RIT2: variants seen among roughly 807,000 people sequenced by gnomAD.
The protein encoded by RIT2 is Ras like without CAAX 2, also known as GTP-binding protein Rit2.
RIT2 carries 24 observed loss-of-function variants against 23.7 expected under a neutral mutation model. The observed-to-expected ratio is 1.01, with a 90% confidence interval of 0.73 to 1.43. The LOEUF is 1.43. RIT2 is among the 40% of genes most tolerant of loss of function. RIT2 has a pLI of 0.00. For missense variants in RIT2, 236 were observed against 266.9 expected, an observed-to-expected ratio of 0.88 and a Z score of 0.81; for synonymous variants, 107 against 91.1, an observed-to-expected ratio of 1.17 and a Z score of -0.99.
chr18:42,882,147 G>A (rs1297774844), intron 4 of RIT2, among the ~76,000 whole-genome samples: 1 of 152,132 alleles, frequency 6.6e-6, no homozygotes, highest in Non-Finnish European at 1.5e-5. Flanking sequence ...TTATAGCTGG[G>A]TACTAAGATA....
intron 1 of RIT2, among the ~76,000 whole-genome samples, chr18:43,035,474 A>G (rs1776213834): frequency 6.6e-6 from 1 of 152,154 alleles, no homozygotes; most frequent in African/African-American, 2.4e-5. Context: ...GACTGAAGTT[A>G]GTTCCTGAAC....
chr18:42,917,439 T>C (rs1908939248), intron 4 of RIT2, among the ~76,000 whole-genome samples: 1 of 152,098 alleles, frequency 6.6e-6, no homozygotes, highest in African/African-American at 2.4e-5. Context: ...ACTGTAATCT[T>C]GTCACTTGCC....
intron 3 of RIT2, among the ~76,000 whole-genome samples, chr18:42,935,715 C>T (rs551669560): frequency 6.6e-6 from 1 of 151,982 alleles, no homozygotes; most frequent in African/African-American, 2.4e-5. Context: ...GAACAAAGTG[C>T]GCAAAGTAAC....
intron 4 of RIT2, among the ~76,000 whole-genome samples, chr18:42,811,812 A>G (rs1052977949): frequency 1.3e-5 from 2 of 152,116 alleles, no homozygotes; most frequent in African/African-American, 2.4e-5. Context: ...TCAAAAGAAC[A>G]TATATAAAAT....
intron 1 of RIT2, among the ~76,000 whole-genome samples, chr18:43,055,258 T>G (rs1912473486): frequency 6.6e-6 from 1 of 152,140 alleles, no homozygotes; most frequent in African/African-American, 2.4e-5. Context: ...AAAAGCTGTG[T>G]AAGCAGCATA....
At chr18:43,075,993 G>A (rs1032333006) in intron 1 of RIT2, among the ~76,000 whole-genome samples, 3 of 152,112 alleles carry the variant, frequency 2.0e-5, no homozygotes, top group Non-Finnish European at 4.4e-5. Context: ...AACATAGGGA[G>A]CCATTTCAAT....
chr18:42,783,659 C>T (rs908217325), intron 4 of RIT2, among the ~76,000 whole-genome samples: 22 of 151,970 alleles, frequency 1.4e-4, no homozygotes, highest in South Asian at 2.1e-4. Context: ...TTATATTAAG[C>T]GCTACTTAAT....
intron 4 of RIT2, among the ~76,000 whole-genome samples, chr18:42,876,286 C>A (rs2144071133): frequency 6.6e-6 from 1 of 151,772 alleles, no homozygotes; most frequent in East Asian, 1.9e-4. Context: ...GATATTTTTA[C>A]CACATATTCA....
chr18:43,108,896 C>T (rs984416198), intron 1 of RIT2, among the ~76,000 whole-genome samples: 7 of 152,154 alleles, frequency 4.6e-5, no homozygotes, highest in Admixed American at 4.6e-4. Flanking sequence ...TATTTTGTTT[C>T]TTTTGCCTTA....
chr18:42,884,916 A>G (rs1907982735), intron 4 of RIT2, among the ~76,000 whole-genome samples: 1 of 152,140 alleles, frequency 6.6e-6, no homozygotes, highest in South Asian at 2.1e-4. Flanking sequence ...TAAAATATCC[A>G]CCCCATCATT....
At chr18:42,853,626 T>C (rs1305965677) in intron 4 of RIT2, among the ~76,000 whole-genome samples, 1 of 152,230 alleles carries the variant, frequency 6.6e-6, no homozygotes, top group African/African-American at 2.4e-5. Flanking sequence ...TTTAAGCTAT[T>C]ATTATAATTT....
intron 4 of RIT2, among the ~76,000 whole-genome samples, chr18:42,908,651 G>A (rs1321735871): frequency 6.6e-6 from 1 of 152,142 alleles, no homozygotes; most frequent in African/African-American, 2.4e-5. Context: ...AGTGCTGAAA[G>A]AGCGGTCAAT....
chr18:42,839,485 T>C (rs1326777984), intron 4 of RIT2, among the ~76,000 whole-genome samples: 1 of 152,174 alleles, frequency 6.6e-6, no homozygotes, highest in Non-Finnish European at 1.5e-5. Context: ...TATCACAGTG[T>C]GACTTGAGGG....
At chr18:43,107,414 G>C (rs1913848397) in intron 1 of RIT2, among the ~76,000 whole-genome samples, 1 of 151,994 alleles carries the variant, frequency 6.6e-6, no homozygotes, top group South Asian at 2.1e-4. Flanking sequence ...CACAGGTCTA[G>C]GCGTGCACGC....
At chr18:42,851,393 G>A (rs2144036476) in intron 4 of RIT2, among the ~76,000 whole-genome samples, 1 of 152,286 alleles carries the variant, frequency 6.6e-6, no homozygotes, top group South Asian at 2.1e-4. Flanking sequence ...ATGTGTTTGG[G>A]AAGCAAAACA....
At chr18:42,946,793 A>C (rs1455500246) in intron 3 of RIT2, among the ~76,000 whole-genome samples, 1 of 152,062 alleles carries the variant, frequency 6.6e-6, no homozygotes, top group Non-Finnish European at 1.5e-5. Flanking sequence ...ATGTAAATGA[A>C]TGTGAAATTT....
chr18:43,057,798 C>CTTTT lies in RIT2; in HGVS notation c.104-23935_104-23932dup, dbSNP rs11393575. Among the ~76,000 whole-genome samples the CTTTT allele has an allele frequency of 8.3e-3, 1,022 of 122,658 alleles. 57 individuals carry two copies. The highest frequency in any genetic ancestry group is 0.028 in the African/African-American group (931 of 32,956). The allele number at this position is 122,658 out of a possible 152,430, so 80.5% of individuals were successfully genotyped here. A position where few individuals can be genotyped will look rare whatever the true frequency, so the allele number is the denominator to read the frequency against. On this transcript the variant is annotated intron_variant, in intron 1 of 4. Coordinates refer to ENST00000326695, the MANE Select transcript of RIT2 (RefSeq NM_002930.4). Reference sequence around the variant, plus strand: ...GAGCTAATCTTCCAAGTGATGGACACTTTTTTTTTTTTTTTTTATCATCTA... The same window carrying CTTTT: ...GAGCTAATCTTCCAAGTGATGGACACTTTTTTTTTTTTTTTTTTTTTATCATCTA...
intron 1 of RIT2, among the ~76,000 whole-genome samples, chr18:43,043,139 GATA>G (rs1052332045): frequency 2.6e-5 from 4 of 151,866 alleles, no homozygotes; most frequent in African/African-American, 9.7e-5. Context: ...TTAAATTTAG[GATA>G]ATATTTTATA....
intron 4 of RIT2, among the ~76,000 whole-genome samples, chr18:42,886,301 C>G (rs113033018): frequency 6.6e-6 from 1 of 152,058 alleles, no homozygotes; most frequent in East Asian, 1.9e-4. Flanking sequence ...TTCTATTGCG[C>G]GCAGAATAAC....
Sources: allele counts gnomAD v4.1 joint callset (sites outside exome capture counted in the v4.1 genomes callset), GRCh38; gene constraint gnomAD v4.1.1; transcripts MANE v1.5; gene names NCBI Gene and HGNC (gene_info 2026-07-23, HGNC 2026-07-21).